Variants in ROBO2 observed in about 807,000 individuals in gnomAD.
ROBO2 encodes roundabout homolog 2.
Under a neutral mutation model 160.8 loss-of-function variants are expected in ROBO2, and 53 were observed. That is an observed-to-expected ratio of 0.33 (90% CI 0.26 to 0.41). The LOEUF is 0.41. Ranked by LOEUF, ROBO2 falls within the 10% of genes least tolerant of loss-of-function variation. ROBO2 has a pLI of 1.00. For missense variants in ROBO2, 1,577 were observed against 1,722.4 expected, an observed-to-expected ratio of 0.92 and a Z score of 1.49; for synonymous variants, 664 against 611.7, an observed-to-expected ratio of 1.09 and a Z score of -1.26.
At chr3:76,728,600 A>G (rs1314908713) in intron 2 of ROBO2, among the ~76,000 whole-genome samples, 1 of 152,166 alleles carries the variant, frequency 6.6e-6, no homozygotes, top group East Asian at 1.9e-4. Flanking sequence ...TGATGCTAAA[A>G]ACTCATATAT....
intron 14 of ROBO2, among the ~76,000 whole-genome samples, chr3:77,575,297 CA>C (rs1196799762): frequency 1.3e-5 from 2 of 152,004 alleles, no homozygotes; most frequent in East Asian, 3.9e-4. Flanking sequence ...AGCTTTCCAC[CA>C]GTTCATTTAG....
At chr3:76,281,719 T>C (rs1336957764) in intron 2 of ROBO2, among the ~76,000 whole-genome samples, 1 of 152,022 alleles carries the variant, frequency 6.6e-6, no homozygotes, top group East Asian at 1.9e-4. Flanking sequence ...TCTGCAAAAT[T>C]TTCCTGAAGA....
intron 2 of ROBO2, among the ~76,000 whole-genome samples, chr3:76,783,228 G>A (rs1169730280): frequency 6.6e-6 from 1 of 150,824 alleles, no homozygotes; most frequent in East Asian, 2.0e-4. Context: ...TATGCATTAA[G>A]TAATTACTGT....
At chr3:76,073,449 G>C (rs928365895) in intron 2 of ROBO2, among the ~76,000 whole-genome samples, 23 of 150,664 alleles carry the variant, frequency 1.5e-4, no homozygotes, top group African/African-American at 5.4e-4. Flanking sequence ...CCGCCCCCAC[G>C]CCCGGCTAAT....
intron 2 of ROBO2, among the ~76,000 whole-genome samples, chr3:77,305,000 G>A (rs2062977293): frequency 6.6e-6 from 1 of 152,124 alleles, no homozygotes; most frequent in South Asian, 2.1e-4. Context: ...TATTGTGACT[G>A]GTATTTAAAA....
chr3:76,108,878 T>C (rs1559558094), intron 2 of ROBO2, among the ~76,000 whole-genome samples: 1 of 151,420 alleles, frequency 6.6e-6, no homozygotes. Flanking sequence ...TGATTTTAGT[T>C]ATTAATTTAT....
At chr3:76,567,620 G>GAT (rs1201854439) in intron 2 of ROBO2, among the ~76,000 whole-genome samples, 2,217 of 33,026 alleles carry the variant, frequency 0.067, 91 homozygotes, top group East Asian at 0.095. Flanking sequence ...CCAAACTACT[G>GAT]ATATATATAT....
chr3:76,235,727 C>T (rs537569566), intron 2 of ROBO2, among the ~76,000 whole-genome samples: 6 of 152,242 alleles, frequency 3.9e-5, no homozygotes, highest in Admixed American at 3.3e-4. Flanking sequence ...GTTCCATAGC[C>T]ATTTTATATA....
Position 76,087,515 on chromosome 3 carries a change from T to TA in ROBO2, c.109+149923dup, listed in dbSNP as rs893755504. ...AGTAGACCTGCCTTGCAAGAAATGT[T>TA]AAAAAAAAAAGTTATGTAGAAAGAA... is the stretch of plus-strand genomic sequence containing the variant. On this transcript the variant is annotated intron_variant, in intron 2 of 26. Transcript: ENST00000487694. Among the ~76,000 whole-genome samples, 307 of 148,648 alleles carry TA rather than the reference T, an allele frequency of 2.1e-3. 1 individual carries two copies. The highest frequency in any genetic ancestry group is 4.3e-3 in the African/African-American group (176 of 40,646).
At chr3:76,984,469 G>A (rs2060264384) in intron 2 of ROBO2, among the ~76,000 whole-genome samples, 1 of 152,118 alleles carries the variant, frequency 6.6e-6, no homozygotes, top group African/African-American at 2.4e-5. Flanking sequence ...TGAGCCTATT[G>A]TTCTCCAAGA....
chr3:76,477,479 A>G (rs2078988800), intron 2 of ROBO2, among the ~76,000 whole-genome samples: 1 of 152,180 alleles, frequency 6.6e-6, no homozygotes, highest in Non-Finnish European at 1.5e-5. Context: ...AACAAAATAC[A>G]GTATTTAAAT....
At chr3:76,843,090 G>C (rs1342704990) in intron 2 of ROBO2, among the ~76,000 whole-genome samples, 2 of 151,930 alleles carry the variant, frequency 1.3e-5, no homozygotes, top group African/African-American at 4.8e-5. Context: ...ATTTCCACTT[G>C]AGCTTTATAG....
At chr3:77,212,686 A>G in intron 2 of ROBO2, among the ~76,000 whole-genome samples, 2 of 152,154 alleles carry the variant, frequency 1.3e-5, no homozygotes. Context: ...GTTTTTGCCC[A>G]TTCAGTATGA....
At chr3:75,980,231 T>C (rs1042405370) in intron 2 of ROBO2, among the ~76,000 whole-genome samples, 1 of 151,564 alleles carries the variant, frequency 6.6e-6, no homozygotes, top group Non-Finnish European at 1.5e-5. Flanking sequence ...GTATAAACTT[T>C]AGAGTATGTG....
chr3:76,485,833 A>G (rs187423955), intron 2 of ROBO2, among the ~76,000 whole-genome samples: 44 of 152,318 alleles, frequency 2.9e-4, no homozygotes, highest in Non-Finnish European at 1.3e-4. Context: ...GGATCTTAAA[A>G]TAACAACAAT....
intron 2 of ROBO2, among the ~76,000 whole-genome samples, chr3:75,938,196 T>C (rs149633210): frequency 0.065 from 9,910 of 151,842 alleles, 1,085 homozygotes; most frequent in African/African-American, 0.22. Flanking sequence ...AAATGTCTGT[T>C]GGAGAGTAGA....
chr3:76,380,690 A>T (rs2076575658), intron 2 of ROBO2, among the ~76,000 whole-genome samples: 1 of 152,082 alleles, frequency 6.6e-6, no homozygotes, highest in African/African-American at 2.4e-5. Flanking sequence ...GAGGGCTATT[A>T]GTACTTGAGT....
At chr3:76,144,548 TA>T (rs2071814242) in intron 2 of ROBO2, among the ~76,000 whole-genome samples, 1 of 152,100 alleles carries the variant, frequency 6.6e-6, no homozygotes, top group African/African-American at 2.4e-5. Context: ...CTATGTGAAT[TA>T]ATTATAGGTT....
intron 2 of ROBO2, among the ~76,000 whole-genome samples, chr3:76,671,552 T>C (rs937689849): frequency 1.3e-5 from 2 of 152,162 alleles, no homozygotes; most frequent in African/African-American, 4.8e-5. Context: ...TTTATTCTCA[T>C]AGGTTGCTGT....
Sources: gnomAD v4.1 joint callset for allele counts (sites outside exome capture counted in the v4.1 genomes callset) on GRCh38, gnomAD v4.1.1 for gene constraint, MANE v1.5 for transcripts, NCBI Gene and HGNC (gene_info 2026-07-23, HGNC 2026-07-21) for gene names.